FAT3: variants seen among roughly 807,000 people sequenced by gnomAD.
FAT3 encodes the protein FAT atypical cadherin 3, also known as protocadherin Fat 3.
In FAT3, 95 loss-of-function variants were observed where a neutral mutation model predicts 310.2. The ratio of observed to expected loss-of-function variants is 0.31; its 90% CI spans 0.26 to 0.36. The LOEUF (loss-of-function observed/expected upper bound fraction) is 0.36. Ranked by LOEUF, FAT3 falls within the 10% of genes least tolerant of loss-of-function variation. The probability of loss-of-function intolerance (pLI) is 1.00; values close to 1 mark genes in which losing one functional copy is unlikely to be tolerated. For synonymous variants in FAT3, 2,314 were observed against 2,192.9 expected (o/e 1.06, Z -1.54); for missense variants, 5,408 against 5,715.6 (o/e 0.95, Z 1.74).
At chr11:92,856,453 G>T (rs1213446606) in intron 19 of FAT3, among the ~76,000 whole-genome samples, 1 of 152,110 alleles carries the variant, frequency 6.6e-6, no homozygotes, top group Admixed American at 6.6e-5. Context: ...GTTCATATTT[G>T]CACAGTTCTT....
At chr11:92,621,676 G>C (rs1355411623) in intron 3 of FAT3, among the ~76,000 whole-genome samples, 1 of 152,098 alleles carries the variant, frequency 6.6e-6, no homozygotes, top group African/African-American at 2.4e-5. Context: ...TTATTTTATT[G>C]TAAAGTCTTG....
intron 1 of FAT3, among the ~76,000 whole-genome samples, chr11:92,274,926 C>T (rs183374728): frequency 2.0e-5 from 3 of 152,214 alleles, no homozygotes; most frequent in Admixed American, 1.3e-4. Flanking sequence ...TATGAAAGCA[C>T]GGCAACTTTG....
In FAT3 at chr11:92,353,378, T is replaced by C; in HGVS notation, c.1266T>C (p.Ile422=). 6.2e-7 allele frequency: 1 copy of C among 1,613,440 alleles called. No individual in the cohort carries two copies. The highest frequency in any genetic ancestry group is 1.1e-5 in the South Asian group (1 of 90,994). The change falls in exon 2 of 28, where the codon ATT becomes ATC. Residue 422 remains isoleucine (I), a synonymous_variant. Coordinates refer to ENST00000525166, the MANE Select transcript of FAT3 (RefSeq NM_001367949.2). ...SPGEDAVYFK[I]NPRSGLIVTA... ...GTGAGGATGCAGTGTACTTTAAAAT[T>C]AATCCTCGGTCGGGTCTGATTGTTA...
rs955058890 is a variant in FAT3 at position 92,337,961 on chromosome 11, A to AT, written c.-17-14126dup. Among the ~76,000 whole-genome samples, 20 of 151,936 alleles carry AT rather than the reference A, an allele frequency of 1.3e-4. No homozygotes were observed. The South Asian group carries it at 2.3e-3, about 17-fold the overall frequency. The stretch of plus-strand genomic sequence containing the variant: ...CAAATCACTAGAGCCTCTTCTTTAG[A>AT]TTTTTTTTTAAAAAACGAGGAAATA... On this transcript the variant is annotated intron_variant, in intron 1 of 27. Coordinates refer to ENST00000525166, the MANE Select transcript of FAT3 (RefSeq NM_001367949.2).
chr11:92,477,915 A>T (rs558161446), intron 2 of FAT3, among the ~76,000 whole-genome samples: 41 of 152,314 alleles, frequency 2.7e-4, no homozygotes, highest in African/African-American at 9.1e-4. Flanking sequence ...CGGGGCTAGG[A>T]AACTGTGTGC....
rs1950015995 is a variant in FAT3 at position 92,895,792 on chromosome 11, T to C, written c.*4679T>C. On this transcript the variant is annotated 3_prime_UTR_variant, in exon 28 of 28. Coordinates refer to ENST00000525166, the MANE Select transcript of FAT3 (RefSeq NM_001367949.2). ...TTTGAAATGTTTATAAAATTGTATA[T>C]AAATGGTTTCAATTTTCCAGGCTTT... The C allele has an allele frequency of 1.3e-5, 2 of 152,162 alleles. No homozygotes were observed. The highest frequency in any genetic ancestry group is 4.8e-5 in the African/African-American group (2 of 41,428). 9.4% of individuals were successfully genotyped at this position (152,162 alleles called of 1,614,324 possible).
chr11:92,862,179 G>T (rs1219515437), intron 21 of FAT3, among the ~76,000 whole-genome samples: 1 of 152,202 alleles, frequency 6.6e-6, no homozygotes, highest in Non-Finnish European at 1.5e-5. Flanking sequence ...ATCATTATGA[G>T]AAAGTCTAGA....
chr11:92,624,242 G>A (rs1232964893), intron 3 of FAT3, among the ~76,000 whole-genome samples: 1 of 152,176 alleles, frequency 6.6e-6, no homozygotes, highest in African/African-American at 2.4e-5. Context: ...GTAGTATTTT[G>A]CCGGATGAAG....
intron 2 of FAT3, among the ~76,000 whole-genome samples, chr11:92,518,105 G>C (rs1249073029): frequency 6.6e-6 from 1 of 152,190 alleles, no homozygotes; most frequent in East Asian, 1.9e-4. Flanking sequence ...AATAATGCTA[G>C]AAATATTACT....
At chr11:92,322,662 C>T (rs1947653834) in intron 1 of FAT3, among the ~76,000 whole-genome samples, 1 of 152,226 alleles carries the variant, frequency 6.6e-6, no homozygotes, top group African/African-American at 2.4e-5. Flanking sequence ...ACAAAGTTCA[C>T]AGCATCTTCA....
Position 92,790,100 on chromosome 11 carries a change from A to G in FAT3, c.4493A>G (p.His1498Arg), listed in dbSNP as rs200132252. 1.1e-4 allele frequency: 184 copies of G among 1,613,832 alleles called. 1 individual carries two copies. In the African/African-American group the frequency reaches 2.1e-3, roughly 19 times the overall value. ...AAGCACAAGCTGAGCTACACTGTTC[A>G]TAGCAGCATCGACTCCATCAGCATG... ...DEKHKLSYTV[H>R]SSIDSISMRK... Residue 1498 changes from histidine to arginine, a missense_variant, in exon 8 of 28, where the codon CAT becomes CGT. Around this residue, in one of 5 missense-constraint regions of FAT3, gnomAD observed 4,588 missense variants for 4,809.8 expected, o/e 0.95. Coordinates refer to ENST00000525166, the MANE Select transcript of FAT3 (RefSeq NM_001367949.2).
intron 3 of FAT3, among the ~76,000 whole-genome samples, chr11:92,579,129 G>C (rs1320518831): frequency 6.6e-6 from 1 of 152,054 alleles, no homozygotes; most frequent in Non-Finnish European, 1.5e-5. Context: ...AAGATCAGTG[G>C]TTGGTTCTTA....
intron 2 of FAT3, among the ~76,000 whole-genome samples, chr11:92,364,224 T>G (rs927806937): frequency 2.0e-5 from 3 of 152,196 alleles, no homozygotes; most frequent in African/African-American, 7.2e-5. Flanking sequence ...AATAGACATT[T>G]TCAATGGCTT....
chr11:92,574,112 T>C (rs775083841), intron 3 of FAT3, among the ~76,000 whole-genome samples: 1 of 152,174 alleles, frequency 6.6e-6, no homozygotes, highest in Admixed American at 6.5e-5. Flanking sequence ...TATGTCTTCA[T>C]GCTAGTTGAA....
chr11:92,296,759 C>T (rs996395892), intron 1 of FAT3, among the ~76,000 whole-genome samples: 2 of 152,086 alleles, frequency 1.3e-5, no homozygotes, highest in African/African-American at 2.4e-5. Context: ...TCCCTGTTTG[C>T]GGATGGTGCC....
chr11:92,818,834 C>T (rs1947888264), intron 13 of FAT3, among the ~76,000 whole-genome samples: 1 of 152,212 alleles, frequency 6.6e-6, no homozygotes, highest in Non-Finnish European at 1.5e-5. Context: ...AGTTAGACCT[C>T]CCTGTTCTGA....
chr11:92,374,987 A>G (rs1488797736), intron 2 of FAT3, among the ~76,000 whole-genome samples: 2 of 152,230 alleles, frequency 1.3e-5, no homozygotes, highest in African/African-American at 2.4e-5. Context: ...AGTTGGGAGC[A>G]TAAAACATTC....
At chr11:92,631,245 A>G (rs1052030405) in intron 3 of FAT3, among the ~76,000 whole-genome samples, 6 of 152,156 alleles carry the variant, frequency 3.9e-5, no homozygotes, top group African/African-American at 1.4e-4. Context: ...GTTATTGGTG[A>G]ATTATAGGCA....
At chr11:92,536,020 A>G (rs1954246005) in intron 3 of FAT3, among the ~76,000 whole-genome samples, 1 of 152,198 alleles carries the variant, frequency 6.6e-6, no homozygotes, top group Admixed American at 6.5e-5. Flanking sequence ...ACAGTAGTTT[A>G]TCCATTGATT....
Sources: gnomAD v4.1 joint callset for allele counts (sites outside exome capture counted in the v4.1 genomes callset) on GRCh38, gnomAD v4.1.1 for gene constraint, gnomAD v4.1.1 regional missense constraint, MANE v1.5 for transcripts, NCBI Gene and HGNC (gene_info 2026-07-23, HGNC 2026-07-21) for gene names.